PALM2AKAP2: variants seen among roughly 807,000 people sequenced by gnomAD.
PALM2AKAP2 encodes the protein PALM2-AKAP2 fusion protein.
PALM2AKAP2 carries 37 observed loss-of-function variants against 71.5 expected under a neutral mutation model. That is an observed-to-expected ratio of 0.52 (90% CI 0.40 to 0.68). The LOEUF (loss-of-function observed/expected upper bound fraction) is 0.68. PALM2AKAP2 is among the 30% of genes least tolerant of loss of function. The pLI is 0.00. For missense variants in PALM2AKAP2, 1,224 were observed against 1,191.8 expected, an observed-to-expected ratio of 1.03 and a Z score of -0.40; for synonymous variants, 468 against 478.8, an observed-to-expected ratio of 0.98 and a Z score of 0.29.
intron 1 of PALM2AKAP2, among the ~76,000 whole-genome samples, chr9:109,839,596 G>T (rs1194768053): frequency 1.3e-5 from 2 of 152,204 alleles, no homozygotes; most frequent in East Asian, 3.8e-4. Context: ...AAGTCAAATT[G>T]TCCCTGTTTG....
At chr9:109,856,347 C>T (rs568241630) in intron 1 of PALM2AKAP2, among the ~76,000 whole-genome samples, 4 of 152,346 alleles carry the variant, frequency 2.6e-5, no homozygotes, top group East Asian at 3.9e-4. Context: ...ATCTGTGAAT[C>T]GCCATGCCGT....
intron 7 of PALM2AKAP2, among the ~76,000 whole-genome samples, chr9:110,034,775 T>C (rs1031496914): frequency 1.3e-5 from 2 of 151,862 alleles, no homozygotes; most frequent in African/African-American, 4.8e-5. Context: ...TGGCTAATTT[T>C]TGTATTTTTA....
In PALM2AKAP2 at chr9:110,156,471, A is replaced by C. The variant is rs141410489; in HGVS notation, c.2722A>C (p.Arg908=). 1.5e-5 allele frequency: 24 copies of C among 1,609,564 alleles called. No homozygotes were observed. In the African/African-American group the frequency reaches 2.8e-4, roughly 19 times the overall value. The change falls in exon 3 of 4, where the codon AGG becomes CGG. Residue 908 remains arginine (R), a synonymous_variant. Transcript: ENST00000374525. ...AGACTATGAGACACACAAATCTAAA[A>C]GGCGCGAGAGAATGGATGATAGTAG...
intron 6 of PALM2AKAP2, among the ~76,000 whole-genome samples, chr9:110,014,239 A>G (rs1832931110): frequency 1.3e-5 from 2 of 152,224 alleles, no homozygotes; most frequent in Non-Finnish European, 2.9e-5. Flanking sequence ...CTTAGAGAAA[A>G]GTATTTTTTT....
At chr9:109,933,881 A>G (rs1269677754) in intron 6 of PALM2AKAP2, among the ~76,000 whole-genome samples, 2 of 152,326 alleles carry the variant, frequency 1.3e-5, no homozygotes, top group African/African-American at 2.4e-5. Flanking sequence ...ATTCATGATC[A>G]ATTATGGTTA....
chr9:109,840,411 AC>A (rs1461576553), intron 1 of PALM2AKAP2, among the ~76,000 whole-genome samples: 25 of 152,276 alleles, frequency 1.6e-4, no homozygotes, highest in African/African-American at 5.8e-4. Flanking sequence ...ACCATAAAAA[AC>A]CCTAGAAGAA....
chr9:109,926,560 G>C (rs908577103), intron 5 of PALM2AKAP2, among the ~76,000 whole-genome samples: 43 of 152,140 alleles, frequency 2.8e-4, no homozygotes, highest in African/African-American at 1.0e-3. Flanking sequence ...AGGCTTCCCT[G>C]AGTCTGGGAA....
intron 1 of PALM2AKAP2, among the ~76,000 whole-genome samples, chr9:109,805,751 T>G (rs555145058): frequency 6.6e-6 from 1 of 152,352 alleles, no homozygotes; most frequent in East Asian, 1.9e-4. Flanking sequence ...TTTACGCATT[T>G]GGTAAAGTAG....
intron 1 of PALM2AKAP2, among the ~76,000 whole-genome samples, chr9:109,703,791 G>T (rs1375104966): frequency 7.0e-6 from 1 of 143,346 alleles, no homozygotes; most frequent in Non-Finnish European, 1.6e-5. Context: ...AGGTACTGAG[G>T]TAAAAAAATT....
At chr9:109,917,902 G>C (rs904599804) in intron 3 of PALM2AKAP2, among the ~76,000 whole-genome samples, 4 of 152,076 alleles carry the variant, frequency 2.6e-5, no homozygotes, top group African/African-American at 9.7e-5. Flanking sequence ...TGGAAGCTAG[G>C]ATACATAATT....
intron 1 of PALM2AKAP2, among the ~76,000 whole-genome samples, chr9:109,708,386 T>C (rs977824747): frequency 1.3e-5 from 2 of 152,204 alleles, no homozygotes; most frequent in African/African-American, 2.4e-5. Flanking sequence ...TTGAATTCAC[T>C]CTTCATATTT....
chr9:109,783,562 G>T (rs1364769963), intron 1 of PALM2AKAP2, among the ~76,000 whole-genome samples: 1 of 152,158 alleles, frequency 6.6e-6, no homozygotes, highest in Non-Finnish European at 1.5e-5. Flanking sequence ...GCCTCCCAAA[G>T]CACTGAGTTT....
chr9:109,719,349 T>C lies in PALM2AKAP2; in HGVS notation c.6-61139T>C, dbSNP rs1426067162. 2.0e-5 allele frequency among the ~76,000 whole-genome samples: 3 copies of C among 152,174 alleles called. No individual in the cohort carries two copies. In the East Asian group the frequency reaches 5.8e-4, roughly 29 times the overall value. ...AGAGTCTACTTCCAGTTTCTCAGGC[T>C]AATTCTGCTACAAATGCTTTGTATC... On this transcript the variant is annotated intron_variant, in intron 1 of 6. Coordinates refer to the PALM2AKAP2 transcript ENST00000374531.
Position 110,004,184 on chromosome 9 carries a change from C to A in PALM2AKAP2, c.497-11770C>A, listed in dbSNP as rs186610913. Among the ~76,000 whole-genome samples, 413 of 152,228 alleles carry A rather than the reference C, an allele frequency of 2.7e-3. 1 individual carries two copies. The highest frequency in any genetic ancestry group is 4.6e-3 in the Non-Finnish European group (312 of 68,016). ...GGCTGGTACCAGTTTTTCCTTTCCA[C>A]GTTTAGTGCTTCCTTCAGGAGCTCT... On this transcript the variant is annotated intron_variant, in intron 6 of 9. Transcript: ENST00000302798.
chr9:109,685,448 T>A (rs558665065), intron 1 of PALM2AKAP2, among the ~76,000 whole-genome samples: 10 of 152,220 alleles, frequency 6.6e-5, no homozygotes, highest in Middle Eastern at 6.8e-3. Context: ...TCACACAAGT[T>A]TTTTTTGGTT....
Position 109,969,088 on chromosome 9 carries a change from G to GCACACACACACACACACACACACACA in PALM2AKAP2, c.496+37085_496+37086insACACACACACACACACACACACACAC, listed in dbSNP as rs34057385. On this transcript the variant is annotated intron_variant, in intron 6 of 9. Transcript: ENST00000302798. Reference sequence around the variant, plus strand: ...TTCCTGCACCTCTACAAATGTGCGTGCACACACACACACACACACACACAC... The same window carrying GCACACACACACACACACACACACACA: ...TTCCTGCACCTCTACAAATGTGCGTGCACACACACACACACACACACACACACACACACACACACACACACACACAC... Among the ~76,000 whole-genome samples, 405 of 149,678 alleles carry GCACACACACACACACACACACACACA rather than the reference G, an allele frequency of 2.7e-3. 1 individual carries two copies. The highest frequency in any genetic ancestry group is 4.4e-3 in the Admixed American group (67 of 15,066).
Position 109,923,866 on chromosome 9 carries a change from C to T in PALM2AKAP2, c.372+17C>T, listed in dbSNP as rs757822054. ...TTTCAGAAGGTGAAGAAAACCAAAA[C>T]GATTTCTCAAAGTTATTTCCATGGG... is the stretch of plus-strand genomic sequence containing the variant. On this transcript the variant is annotated intron_variant, in intron 4 of 9. Transcript: ENST00000302798. The T allele has an allele frequency of 1.3e-6, 2 of 1,559,176 alleles. No individual in the cohort carries two copies. The highest frequency in any genetic ancestry group is 2.3e-5 in the East Asian group (1 of 42,676).
At chr9:109,984,118 C>A (rs1394569799) in intron 6 of PALM2AKAP2, among the ~76,000 whole-genome samples, 1 of 152,138 alleles carries the variant, frequency 6.6e-6, no homozygotes, top group Non-Finnish European at 1.5e-5. Flanking sequence ...TTGGTGCGAA[C>A]TTCTCCATTG....
At chr9:109,974,161 T>A (rs1303085422) in intron 6 of PALM2AKAP2, among the ~76,000 whole-genome samples, 2 of 152,208 alleles carry the variant, frequency 1.3e-5, no homozygotes, top group Non-Finnish European at 2.9e-5. Flanking sequence ...CTCTGATGAC[T>A]GCACAGAATG....
Sources: gnomAD v4.1 joint callset for allele counts (sites outside exome capture counted in the v4.1 genomes callset) on GRCh38, gnomAD v4.1.1 for gene constraint, MANE v1.5 for transcripts, NCBI Gene and HGNC (gene_info 2026-07-23, HGNC 2026-07-21) for gene names.